RAB38: variants seen among roughly 807,000 people sequenced by gnomAD.
RAB38 encodes the protein RAB38, member RAS oncogene family, also known as ras-related protein Rab-38.
In RAB38, 15 loss-of-function variants were observed where a neutral mutation model predicts 18.4. That is an observed-to-expected ratio of 0.82 (90% CI 0.55 to 1.26). RAB38 has a LOEUF of 1.26. RAB38 is among the 50% of genes most tolerant of loss of function. The probability of loss-of-function intolerance (pLI) is 0.00; values close to 1 mark genes in which losing one functional copy is unlikely to be tolerated. For missense variants in RAB38, 294 were observed against 267.4 expected (o/e 1.10, Z -0.69); for synonymous variants, 101 against 104.4 (o/e 0.97, Z 0.20).
chr11:87,916,430 G>A, the RAB38 span, among the ~76,000 whole-genome samples: 1 of 152,086 alleles, frequency 6.6e-6, no homozygotes, highest in Admixed American at 6.6e-5. Context: ...TACAGAAATG[G>A]ATTAGTTCCA....
intron 2 of RAB38, among the ~76,000 whole-genome samples, chr11:88,131,247 A>G (rs1942764362): frequency 6.6e-6 from 1 of 152,240 alleles, no homozygotes; most frequent in African/African-American, 2.4e-5. Flanking sequence ...GTTGCACACA[A>G]TATGATATAA....
intron 1 of RAB38, among the ~76,000 whole-genome samples, chr11:88,168,908 C>A (rs1178872356): frequency 6.6e-6 from 1 of 152,080 alleles, no homozygotes; most frequent in Non-Finnish European, 1.5e-5. Context: ...AATTATCAGC[C>A]CCCCTAATAC....
chr11:87,958,166 G>A, the RAB38 span, among the ~76,000 whole-genome samples: 3 of 152,078 alleles, frequency 2.0e-5, no homozygotes, highest in Admixed American at 6.6e-5. Flanking sequence ...AATTACAAGG[G>A]CAAACAACCA....
At chr11:88,163,859 A>G (rs1399271717) in intron 1 of RAB38, among the ~76,000 whole-genome samples, 1 of 152,064 alleles carries the variant, frequency 6.6e-6, no homozygotes, top group South Asian at 2.1e-4. Flanking sequence ...ATAATTTTAG[A>G]CTGGAGCCCA....
At chr11:88,100,531 T>A in the RAB38 span, among the ~76,000 whole-genome samples, 1 of 151,994 alleles carries the variant, frequency 6.6e-6, no homozygotes, top group Non-Finnish European at 1.5e-5. Context: ...AGAATCTGGC[T>A]CCCTGCTGTG....
At chr11:87,944,756 T>G in the RAB38 span, among the ~76,000 whole-genome samples, 1 of 152,162 alleles carries the variant, frequency 6.6e-6, no homozygotes, top group Non-Finnish European at 1.5e-5. Flanking sequence ...ACTTGTGACA[T>G]ATGGGACTTC....
chr11:87,818,372 C>A, the RAB38 span, among the ~76,000 whole-genome samples: 1 of 152,086 alleles, frequency 6.6e-6, no homozygotes, highest in South Asian at 2.1e-4. Context: ...TATTCCTGGT[C>A]CTGTGCAATA....
At chr11:87,868,604 A>AGAGAGAGAGAGAAG in the RAB38 span, among the ~76,000 whole-genome samples, 1 of 76,076 alleles carries the variant, frequency 1.3e-5, no homozygotes, top group African/African-American at 4.4e-5. Context: ...AGAGAGAGAG[A>AGAGAGAGAGAGAAG]GAGAGAGAGA....
At chr11:88,118,813 A>C (rs1008508504) in intron 2 of RAB38, among the ~76,000 whole-genome samples, 1 of 152,238 alleles carries the variant, frequency 6.6e-6, no homozygotes, top group Non-Finnish European at 1.5e-5. Context: ...AAAATTCCTA[A>C]CAAAGAATTT....
chr11:87,882,615 A>G, the RAB38 span, among the ~76,000 whole-genome samples: 5 of 151,994 alleles, frequency 3.3e-5, no homozygotes, highest in South Asian at 1.0e-3. Flanking sequence ...CCTGTCCTCA[A>G]AATATAATAG....
chr11:88,090,212 ATC>A, the RAB38 span, among the ~76,000 whole-genome samples: 1 of 151,966 alleles, frequency 6.6e-6, no homozygotes, highest in African/African-American at 2.4e-5. Context: ...TTTAGGCCAA[ATC>A]TCTTAGTTTT....
the RAB38 span, chr11:88,060,328 T>C: frequency 1.3e-5 from 2 of 152,190 alleles, no homozygotes; most frequent in Non-Finnish European, 2.9e-5. Flanking sequence ...TCTTGTAACA[T>C]TTTACGTCAG....
At chr11:87,962,515 G>T in the RAB38 span, among the ~76,000 whole-genome samples, 1 of 152,024 alleles carries the variant, frequency 6.6e-6, no homozygotes, top group Non-Finnish European at 1.5e-5. Context: ...GGGCAGGGGG[G>T]AAGAAGGATA....
the RAB38 span, chr11:87,880,084 G>A: frequency 6.6e-6 from 1 of 151,678 alleles, no homozygotes; most frequent in Admixed American, 6.6e-5. Flanking sequence ...GATATTTATT[G>A]AGGGATTTCC....
rs562264624 is a variant in RAB38, at chr11:88,116,094, G to A, written c.484-1954C>T. The stretch of plus-strand genomic sequence containing the variant: ...TTCTGCCACTCTTCCTCTTCTTAGT[G>A]TCACGTCTAAGGGTCACACCTGAAC... On this transcript the variant is annotated intron_variant, in intron 2 of 2. Transcript: ENST00000243662. Among the ~76,000 whole-genome samples, 3 of 152,250 alleles carry A rather than the reference G, an allele frequency of 2.0e-5. No homozygotes were observed. In the East Asian group the frequency reaches 5.8e-4, roughly 29 times the overall value.
At chr11:88,138,776 T>A (rs1398895945) in intron 2 of RAB38, among the ~76,000 whole-genome samples, 1 of 59,978 alleles carries the variant, frequency 1.7e-5, no homozygotes, top group Non-Finnish European at 4.4e-5. Context: ...TTTATTATTA[T>A]TCTTTTTTTT....
the RAB38 span, among the ~76,000 whole-genome samples, chr11:87,936,552 CCA>C: frequency 6.6e-6 from 1 of 152,062 alleles, no homozygotes; most frequent in Non-Finnish European, 1.5e-5. Flanking sequence ...ACCATCAGTA[CCA>C]CACACACAGT....
chr11:88,013,581 A>G, the RAB38 span, among the ~76,000 whole-genome samples: 1 of 152,170 alleles, frequency 6.6e-6, no homozygotes, highest in Non-Finnish European at 1.5e-5. Context: ...TGCTTGCCTG[A>G]AAAATGCTGC....
At chr11:87,888,445 C>T in the RAB38 span, among the ~76,000 whole-genome samples, 1 of 151,920 alleles carries the variant, frequency 6.6e-6, no homozygotes. Context: ...AATCCTAGTT[C>T]TATCACTCTT....
Sources: allele counts gnomAD v4.1 joint callset (sites outside exome capture counted in the v4.1 genomes callset), GRCh38; gene constraint gnomAD v4.1.1; transcripts MANE v1.5; gene names NCBI Gene and HGNC (gene_info 2026-07-23, HGNC 2026-07-21).